TTPA: variants seen among roughly 807,000 people sequenced by gnomAD.
TTPA encodes alpha tocopherol transfer protein.
TTPA carries 23 observed loss-of-function variants against 25.9 expected under a neutral mutation model. The observed-to-expected ratio is 0.89, with a 90% CI of 0.64 to 1.26. TTPA has a LOEUF of 1.26. Among genes scored for constraint, TTPA ranks in the 50% most tolerant of loss-of-function variants. The pLI is 0.00. For synonymous variants in TTPA, 148 were observed against 137.3 expected, an observed-to-expected ratio of 1.08 and a Z score of -0.54; for missense variants, 337 against 353.1, an observed-to-expected ratio of 0.95 and a Z score of 0.37.
chr8:63,072,899 G>A (rs772541661), intron 2 of TTPA, 36 bp downstream of exon 2: 9 of 1,612,340 alleles, frequency 5.6e-6, no homozygotes, highest in South Asian at 1.1e-5. Context: ...TGAACTGGAG[G>A]AGAGGAGAAA....
At position 63,059,830 on chromosome 8, in the gene TTPA, A is replaced by C. The variant is rs913423928; in HGVS notation, c.*1422T>G. 18 of 151,820 alleles carry C rather than the reference A, an allele frequency of 1.2e-4. No homozygotes were observed. Among genetic ancestry groups the C allele is most frequent in the Non-Finnish European group, 1.5e-5 (1 of 67,962 alleles). 9.4% of individuals were successfully genotyped at this position (151,820 alleles called of 1,614,324 possible). On this transcript the variant is annotated 3_prime_UTR_variant, in exon 5 of 5. Transcript: ENST00000260116. ...TTTTTTGAGAACACATGGACACAGGAAGGGGAACATCACACACCGGGGCCT... is the reference window on the plus strand; with the variant it reads ...TTTTTTGAGAACACATGGACACAGGCAGGGGAACATCACACACCGGGGCCT...
Position 63,073,088 on chromosome 8 carries a change from A to AG in TTPA, c.205-1_205insC (p.Leu70ThrfsTer6), listed in dbSNP as rs776814829. The AG allele has an allele frequency of 6.2e-7, 1 of 1,606,630 alleles. No individual in the cohort carries two copies. Among genetic ancestry groups the AG allele is most frequent in the Non-Finnish European group, 8.5e-7 (1 of 1,174,498 alleles). ...CTCCACTTATAATAGTTTTTTAGTA[A>AG]CTGAAAAATAAAATTAAAATTGTCT... On this transcript the variant is annotated frameshift_variant and splice_region_variant. Transcript: ENST00000260116. LOFTEE classifies it high-confidence loss of function.
At chr8:63,065,664 G>C (rs906561980) in intron 3 of TTPA, among the ~76,000 whole-genome samples, 2 of 152,100 alleles carry the variant, frequency 1.3e-5, no homozygotes, top group African/African-American at 4.8e-5. Flanking sequence ...CACATATTAA[G>C]ATGCATAAAT....
Position 63,060,673 on chromosome 8 carries a change from GAAA to G in TTPA, c.*576_*578del, listed in dbSNP as rs10543235. The G allele has an allele frequency of 0.6, 87,614 of 145,616 alleles. 27,059 individuals are homozygous for G. The highest frequency in any genetic ancestry group is 0.81 in the African/African-American group (32,392 of 40,204). The allele number at this position is 145,616 out of a possible 1,614,324, so 9.0% of individuals were successfully genotyped here. Reference sequence around the variant, plus strand: ...TGGGCGACAGAGCAAGACTCTGTCTGAAAAAAAAAAAAAAAGTTTCTATCGTGT... The same window carrying G: ...TGGGCGACAGAGCAAGACTCTGTCTGAAAAAAAAAAAAGTTTCTATCGTGT... On this transcript the variant is annotated 3_prime_UTR_variant, in exon 5 of 5. Transcript: ENST00000260116.
chr8:63,076,447 T>C (rs2129771544), intron 1 of TTPA, among the ~76,000 whole-genome samples: 1 of 152,282 alleles, frequency 6.6e-6, no homozygotes, highest in Admixed American at 6.5e-5. Flanking sequence ...AGTTTTGCAC[T>C]CTTACCCTTT....
intron 2 of TTPA, 128 bp downstream of exon 2, chr8:63,072,807 G>T: frequency 9.2e-7 from 1 of 1,092,180 alleles, no homozygotes; most frequent in Non-Finnish European, 1.3e-6. Flanking sequence ...AATTCCTAAA[G>T]ATGAATGCAT....
downstream of TTPA, among the ~76,000 whole-genome samples, chr8:63,059,485 A>C (rs1339007838): frequency 6.6e-6 from 1 of 152,168 alleles, no homozygotes; most frequent in Non-Finnish European, 1.5e-5. Flanking sequence ...TGATTAAACT[A>C]ATTTTCTTAT....
At position 63,073,090 on chromosome 8, in the gene TTPA, T is replaced by C. The variant is rs758349851; in HGVS notation, c.205-2A>G. The C allele has an allele frequency of 2.5e-6, 4 of 1,605,870 alleles. No individual in the cohort carries two copies. The highest frequency in any genetic ancestry group is 3.3e-5 in the Admixed American group (2 of 59,902). ...CCACTTATAATAGTTTTTTAGTAAC[T>C]GAAAAATAAAATTAAAATTGTCTAC... On this transcript the variant is annotated splice_acceptor_variant, in intron 1 of 4. Transcript: ENST00000260116. LOFTEE classifies it high-confidence loss of function.
intron 1 of TTPA, among the ~76,000 whole-genome samples, chr8:63,085,182 C>G (rs1289505165): frequency 6.6e-6 from 1 of 152,178 alleles, no homozygotes; most frequent in Non-Finnish European, 1.5e-5. Flanking sequence ...AACTCAAGGT[C>G]GCATCCCTCT....
intron 2 of TTPA, among the ~76,000 whole-genome samples, chr8:63,067,284 T>C (rs1413895013): frequency 1.3e-5 from 2 of 152,056 alleles, no homozygotes; most frequent in East Asian, 3.9e-4. Flanking sequence ...TTCTCTCAAA[T>C]TTGGCACAAA....
chr8:63,085,751 G>C (rs369019692), intron 1 of TTPA, 67 bp downstream of exon 1: 1 of 1,509,600 alleles, frequency 6.6e-7, no homozygotes, highest in East Asian at 2.5e-5. Context: ...AGATATCCGG[G>C]GTCGTGGGGC....
chr8:63,079,257 T>C (rs924609886), intron 1 of TTPA, among the ~76,000 whole-genome samples: 1 of 152,184 alleles, frequency 6.6e-6, no homozygotes, highest in African/African-American at 2.4e-5. Context: ...ATCAATGCTA[T>C]GAAGCAACTG....
intron 4 of TTPA, among the ~76,000 whole-genome samples, chr8:63,062,188 A>C (rs1208583723): frequency 3.9e-5 from 6 of 152,140 alleles, no homozygotes; most frequent in Non-Finnish European, 5.9e-5. Flanking sequence ...TAAAAAAAAA[A>C]AAAGAATTAA....
rs998419785 is a variant in TTPA, at chr8:63,059,508, C to T, written c.*1744G>A. Among the ~76,000 whole-genome samples, 1 of 152,044 alleles carries T rather than the reference C, an allele frequency of 6.6e-6. No homozygotes were observed. The highest frequency in any genetic ancestry group is 2.4e-5 in the African/African-American group (1 of 41,402). On this transcript the variant is annotated 3_prime_UTR_variant, in exon 5 of 5. Transcript: ENST00000260116. Reference sequence around the variant, plus strand: ...CTAATTTTCTTATAAAGAAAAACACCCTTCACATATCCTTACATAAAGATA... The same window carrying T: ...CTAATTTTCTTATAAAGAAAAACACTCTTCACATATCCTTACATAAAGATA...
At chr8:63,080,866 C>T (rs912474289) in intron 1 of TTPA, among the ~76,000 whole-genome samples, 2 of 151,762 alleles carry the variant, frequency 1.3e-5, no homozygotes, top group African/African-American at 4.8e-5. Context: ...ACTATAAACA[C>T]CTCTATGCAA....
At chr8:63,078,203 G>T (rs976214910) in intron 1 of TTPA, among the ~76,000 whole-genome samples, 1 of 152,048 alleles carries the variant, frequency 6.6e-6, no homozygotes, top group African/African-American at 2.4e-5. Flanking sequence ...AAAGACCAAA[G>T]GTGGATAAAA....
Position 63,073,089 on chromosome 8 carries a change from C to T in TTPA, c.205-1G>A, listed in dbSNP as rs886040963. On this transcript the variant is annotated splice_acceptor_variant, in intron 1 of 4. Coordinates refer to ENST00000260116, the MANE Select transcript of TTPA (RefSeq NM_000370.3). LOFTEE classifies it high-confidence loss of function. ...TCCACTTATAATAGTTTTTTAGTAA[C>T]TGAAAAATAAAATTAAAATTGTCTA... 6.2e-7 allele frequency: 1 copy of T among 1,606,386 alleles called. No individual in the cohort carries two copies. The highest frequency in any genetic ancestry group is 1.7e-5 in the Admixed American group (1 of 59,884).
chr8:63,085,723 TG>T, intron 1 of TTPA, 94 bp downstream of exon 1: 1 of 1,437,410 alleles, frequency 7.0e-7, no homozygotes, highest in Non-Finnish European at 9.3e-7. Flanking sequence ...GCCTGCACCC[TG>T]GGCTTCGGCA....
At chr8:63,071,716 C>G (rs1007724359) in intron 2 of TTPA, among the ~76,000 whole-genome samples, 3 of 152,026 alleles carry the variant, frequency 2.0e-5, no homozygotes, top group Non-Finnish European at 4.4e-5. Flanking sequence ...GATTAGTGCC[C>G]TTATGAGTTC....
Sources: allele counts gnomAD v4.1 joint callset (sites outside exome capture counted in the v4.1 genomes callset), GRCh38; gene constraint gnomAD v4.1.1; transcripts MANE v1.5; gene names NCBI Gene and HGNC (gene_info 2026-07-23, HGNC 2026-07-21).